WNT5A: variants seen among roughly 807,000 people sequenced by gnomAD.
WNT5A encodes Wnt family member 5A, also known as protein Wnt-5a.
WNT5A carries 9 observed loss-of-function variants against 42.1 expected under a neutral mutation model. The ratio of observed to expected loss-of-function variants is 0.21; its 90% CI spans 0.13 to 0.37. WNT5A has a LOEUF of 0.37. Ranked by LOEUF, WNT5A falls within the 10% of genes least tolerant of loss-of-function variation. The pLI, the probability that WNT5A is intolerant of heterozygous loss-of-function variation, is 1.00. For synonymous variants in WNT5A, 210 were observed against 210.0 expected, an observed-to-expected ratio of 1.00 and a Z score of 0.00; for missense variants, 426 against 534.0, an observed-to-expected ratio of 0.80 and a Z score of 1.99.
upstream of WNT5A, chr3:55,489,158 T>C (rs2051627703): frequency 6.6e-6 from 1 of 152,162 alleles, no homozygotes; most frequent in Admixed American, 6.5e-5. Context: ...AGGGGCAGGG[T>C]TGGTGGATTT....
Position 55,467,847 on chromosome 3 carries a change from G to C in WNT5A, c.*2245C>G, listed in dbSNP as rs2106874554. 1 of 152,036 alleles carries C rather than the reference G, an allele frequency of 6.6e-6. No homozygotes were observed. Among genetic ancestry groups the C allele is most frequent in the East Asian group, 1.9e-4 (1 of 5,168 alleles). 9.4% of individuals were successfully genotyped at this position (152,036 alleles called of 1,614,324 possible). A position where few individuals can be genotyped will look rare whatever the true frequency, so the allele number is the denominator to read the frequency against. ...CACTAAAAAGGAACAATCTGATTTAGCAAATAAAAAAAGTACTTCATGGTT... is the reference window on the plus strand; with the variant it reads ...CACTAAAAAGGAACAATCTGATTTACCAAATAAAAAAAGTACTTCATGGTT... On this transcript the variant is annotated 3_prime_UTR_variant, in exon 5 of 5. Coordinates refer to ENST00000264634, the MANE Select transcript of WNT5A (RefSeq NM_003392.7).
chr3:55,494,901 A>G (rs750863138), upstream of WNT5A, among the ~76,000 whole-genome samples: 3 of 152,114 alleles, frequency 2.0e-5, no homozygotes, highest in Non-Finnish European at 4.4e-5. Flanking sequence ...GAAGCAACAA[A>G]CAGTCCTCCT....
chr3:55,485,382 A>AGGG (rs1491384002), intron 1 of WNT5A, among the ~76,000 whole-genome samples: 1 of 151,604 alleles, frequency 6.6e-6, no homozygotes, highest in African/African-American at 2.4e-5. Context: ...AGGAGAAGAC[A>AGGG]GGGGACTCTT....
Position 55,479,538 on chromosome 3 carries a change from T to C in WNT5A, c.167A>G (p.Gln56Arg). 1 of 1,610,360 alleles carries C rather than the reference T, an allele frequency of 6.2e-7. No homozygotes were observed. The highest frequency in any genetic ancestry group is 8.5e-7 in the Non-Finnish European group (1 of 1,177,688). Residue 56 changes from glutamine (Q) to arginine (R), a missense_variant, in exon 3 of 5, where the codon CAG (glutamine) becomes CGG (arginine). Physicochemically the swap from Gln to Arg is conservative, Grantham distance 43. This residue lies in a region of WNT5A where 358 missense variants were observed against 468.1 expected (regional missense o/e 0.76). Transcript: ENST00000264634. ...TCCTATAATATATACTTCTGACATCTGAACAGGGTTATTCATACCTAGCGA... is the reference window on the plus strand; with the variant it reads ...TCCTATAATATATACTTCTGACATCCGAACAGGGTTATTCATACCTAGCGA... ...WWSLGMNNPV[Q>R]MSEVYIIGAQ...
At position 55,479,432 on chromosome 3, in the gene WNT5A, C is replaced by T. The variant is rs1284650572; in HGVS notation, c.273G>A (p.Gln91=). Reference sequence around the variant, plus strand: ...CTGTCTTCGCGCCTTCTCCGATGTACTGCATGTGGTCCTGATACAAGTGGC... The same window carrying T: ...CTGTCTTCGCGCCTTCTCCGATGTATTGCATGTGGTCCTGATACAAGTGGC... ...KLCHLYQDHM[Q]YIGEGAKTGI... is the part of the protein sequence containing the mutation. The change falls in exon 3 of 5, where the codon CAG becomes CAA. Residue 91 remains glutamine, a synonymous_variant. Coordinates refer to ENST00000264634, the MANE Select transcript of WNT5A (RefSeq NM_003392.7). 2 of 1,613,918 alleles carry T rather than the reference C, an allele frequency of 1.2e-6. No individual in the cohort carries two copies. The highest frequency in any genetic ancestry group is 1.7e-6 in the Non-Finnish European group (2 of 1,179,902).
chr3:55,475,073 T>G (rs1205824295), intron 3 of WNT5A, among the ~76,000 whole-genome samples: 1 of 151,720 alleles, frequency 6.6e-6, no homozygotes, highest in Non-Finnish European at 1.5e-5. Context: ...AACAAAGGAG[T>G]AGCAGATCCC....
the WNT5A span, among the ~76,000 whole-genome samples, chr3:55,498,413 C>A: frequency 2.0e-5 from 3 of 152,102 alleles, no homozygotes; most frequent in Admixed American, 2.0e-4. Flanking sequence ...AGCAGAGTAT[C>A]CAGGCCTGTA....
At chr3:55,497,566 TCTC>T in the WNT5A span, 3 of 152,218 alleles carry the variant, frequency 2.0e-5, no homozygotes, top group Admixed American at 6.5e-5. Flanking sequence ...TTCTTCTACT[TCTC>T]TTCAAATGCA....
At chr3:55,473,925 C>A (rs2051298750) in intron 4 of WNT5A, among the ~76,000 whole-genome samples, 1 of 152,198 alleles carries the variant, frequency 6.6e-6, no homozygotes, top group African/African-American at 2.4e-5. Context: ...GTACCAGGGA[C>A]TAACTAAGAA....
At chr3:55,504,056 G>A in the WNT5A span, among the ~76,000 whole-genome samples, 5 of 152,150 alleles carry the variant, frequency 3.3e-5, no homozygotes, top group Admixed American at 6.5e-5. Context: ...TGGATCACTT[G>A]AGGTCAGGAG....
intron 3 of WNT5A, among the ~76,000 whole-genome samples, chr3:55,476,141 AAGGGTCATTCTGC>A (rs2051353312): frequency 6.6e-6 from 1 of 152,214 alleles, no homozygotes; most frequent in Non-Finnish European, 1.5e-5. Flanking sequence ...TCTGAACGAG[AAGGGTCATTCTGC>A]AGGAGGACAG....
chr3:55,499,558 A>C, the WNT5A span, among the ~76,000 whole-genome samples: 1 of 152,328 alleles, frequency 6.6e-6, no homozygotes, highest in Non-Finnish European at 1.5e-5. Context: ...ATACTATTTC[A>C]TTTGGAAACA....
chr3:55,497,713 A>T, the WNT5A span, among the ~76,000 whole-genome samples: 1 of 152,202 alleles, frequency 6.6e-6, no homozygotes, highest in Non-Finnish European at 1.5e-5. Flanking sequence ...AACTTGCCCA[A>T]GGTCACATAG....
At chr3:55,477,750 C>T (rs1196880064) in intron 3 of WNT5A, among the ~76,000 whole-genome samples, 4 of 152,138 alleles carry the variant, frequency 2.6e-5, no homozygotes, top group Admixed American at 6.5e-5. Flanking sequence ...AAACAGGCTA[C>T]GTATGAAAAC....
rs1413364471 is a variant in WNT5A, at chr3:55,470,361, T to G, written c.874A>C (p.Asn292His). 3 of 1,613,940 alleles carry G rather than the reference T, an allele frequency of 1.9e-6. No homozygotes were observed. The change falls in exon 5 of 5, where the codon AAC becomes CAC. Residue 292 changes from asparagine (N) to histidine (H), a missense_variant. Asn to His is a moderately conservative substitution (Grantham distance 68). Around this residue, in one of 3 missense-constraint regions of WNT5A, gnomAD observed 358 missense variants for 468.1 expected, o/e 0.76. Coordinates refer to ENST00000264634, the MANE Select transcript of WNT5A (RefSeq NM_003392.7). The stretch of plus-strand genomic sequence containing the variant: ...ACCAGGTCTTGTGTGGTGGGCGAGT[T>G]GAAGCGGCTGTTGACCTGTACCAAC... The part of the protein sequence containing the change: ...GKLVQVNSRF[N>H]SPTTQDLVYI...
Position 55,479,614 on chromosome 3 carries a change from G to A in WNT5A, c.141-50C>T, listed in dbSNP as rs1296182833. The A allele has an allele frequency of 1.0e-5, 16 of 1,534,466 alleles. No individual in the cohort carries two copies. In the Admixed American group the frequency reaches 2.9e-4, roughly 28 times the overall value. On this transcript the variant is annotated intron_variant, in intron 2 of 4. Coordinates refer to ENST00000264634, the MANE Select transcript of WNT5A (RefSeq NM_003392.7). ...CAAGATTTACGTGAAATCTCGAGGT[G>A]GGCCCCCTGAAAGCATGTCAGCAAT...
At chr3:55,479,588 T>C in intron 2 of WNT5A, 24 bp from the exon 3 acceptor site, 2 of 1,552,092 alleles carry the variant, frequency 1.3e-6, no homozygotes, top group South Asian at 2.5e-5. Flanking sequence ...AGATGTGCAT[T>C]CAAGATTTAC....
Position 55,474,633 on chromosome 3 carries a change from TG to T in WNT5A, c.392-5del. 1 of 1,231,718 alleles carries T rather than the reference TG, an allele frequency of 8.1e-7. No homozygotes were observed. The allele number at this position is 1,231,718 out of a possible 1,614,324, so 76.3% of individuals were successfully genotyped here. On this transcript the variant is annotated splice_region_variant and splice_polypyrimidine_tract_variant and intron_variant, in intron 3 of 4. Coordinates refer to ENST00000264634, the MANE Select transcript of WNT5A (RefSeq NM_003392.7). The stretch of plus-strand genomic sequence containing the variant: ...GTGAAGGCCGTCTCGCGGCTGCCTG[TG>T]GGTGAGGACAAGGGATCACTGGCCG...
At chr3:55,470,628 G>T (rs914254466) in intron 4 of WNT5A, 78 bp from the exon 5 acceptor site, 2 of 1,310,704 alleles carry the variant, frequency 1.5e-6, no homozygotes, top group African/African-American at 3.0e-5. Context: ...AGTTCTCCTC[G>T]ACCTTCTCCA....
Sources: gnomAD v4.1 joint callset for allele counts (sites outside exome capture counted in the v4.1 genomes callset) on GRCh38, gnomAD v4.1.1 for gene constraint, gnomAD v4.1.1 regional missense constraint, MANE v1.5 for transcripts, NCBI Gene and HGNC (gene_info 2026-07-23, HGNC 2026-07-21) for gene names.